The following UCHL3 variants were observed in gnomAD, a reference collection of about 807,000 sequenced individuals.
UCHL3 encodes the protein ubiquitin C-terminal hydrolase L3.
UCHL3 carries 22 observed loss-of-function variants against 35.8 expected under a neutral mutation model. The ratio of observed to expected loss-of-function variants is 0.61; its 90% CI spans 0.44 to 0.88. The LOEUF (loss-of-function observed/expected upper bound fraction) is 0.88, where lower values mean the gene tolerates loss of function less well. UCHL3 is among the 40% of genes least tolerant of loss of function. The pLI is 0.00. For synonymous variants in UCHL3, 90 were observed against 92.8 expected (o/e 0.97, Z 0.17); for missense variants, 229 against 276.9 (o/e 0.83, Z 1.23).
At chr13:75,602,757 A>G (rs2032810193) in intron 7 of UCHL3, among the ~76,000 whole-genome samples, 1 of 152,200 alleles carries the variant, frequency 6.6e-6, no homozygotes, top group Non-Finnish European at 1.5e-5. Flanking sequence ...AGGAGGCATT[A>G]AAAATACACT....
At chr13:75,555,386 C>T (rs569632952) in intron 2 of UCHL3, among the ~76,000 whole-genome samples, 1 of 152,196 alleles carries the variant, frequency 6.6e-6, no homozygotes, top group African/African-American at 2.4e-5. Flanking sequence ...TGTATCTTAC[C>T]ACTAGAATAT....
At chr13:75,559,438 G>A (rs994902984) in intron 2 of UCHL3, among the ~76,000 whole-genome samples, 1 of 152,138 alleles carries the variant, frequency 6.6e-6, no homozygotes, top group Non-Finnish European at 1.5e-5. Context: ...AAATCACTAC[G>A]TTTCTTATTA....
At chr13:75,556,341 T>C (rs1398924478) in intron 2 of UCHL3, among the ~76,000 whole-genome samples, 1 of 152,242 alleles carries the variant, frequency 6.6e-6, no homozygotes, top group Non-Finnish European at 1.5e-5. Flanking sequence ...CATTTTCTCA[T>C]TTAACTAATA....
chr13:75,588,239 A>G (rs532980471), intron 6 of UCHL3, among the ~76,000 whole-genome samples: 2 of 152,178 alleles, frequency 1.3e-5, no homozygotes, highest in African/African-American at 4.8e-5. Flanking sequence ...CCAACTTTAT[A>G]TATTCTTTCA....
intron 5 of UCHL3, among the ~76,000 whole-genome samples, chr13:75,568,470 G>A (rs2031753763): frequency 6.6e-6 from 1 of 150,802 alleles, no homozygotes; most frequent in South Asian, 2.1e-4. Flanking sequence ...TATTTTTTAG[G>A]GAGTGTATAT....
chr13:75,602,201 C>T (rs549280418), intron 7 of UCHL3, among the ~76,000 whole-genome samples: 15 of 152,194 alleles, frequency 9.9e-5, no homozygotes, highest in Non-Finnish European at 1.8e-4. Flanking sequence ...CCATCATTCA[C>T]GTCGTTGGCC....
chr13:75,562,700 A>T (rs2031556216), intron 3 of UCHL3, among the ~76,000 whole-genome samples: 1 of 152,262 alleles, frequency 6.6e-6, no homozygotes, highest in East Asian at 1.9e-4. Flanking sequence ...CATCAGCATT[A>T]AAAAGGCATA....
At chr13:75,557,070 C>T (rs2031316633) in intron 2 of UCHL3, among the ~76,000 whole-genome samples, 1 of 152,062 alleles carries the variant, frequency 6.6e-6, no homozygotes, top group African/African-American at 2.4e-5. Context: ...AAAAATTTAG[C>T]TGGCTGTGAT....
chr13:75,554,296 C>T (rs1034062514), intron 2 of UCHL3, among the ~76,000 whole-genome samples: 25 of 152,186 alleles, frequency 1.6e-4, no homozygotes, highest in African/African-American at 6.0e-4. Flanking sequence ...AATGCCTGGC[C>T]TCAAACAACT....
At chr13:75,605,697 T>C (rs755171976) in intron 8 of UCHL3, 32 bp from the exon 9 acceptor site, 38 of 1,600,738 alleles carry the variant, frequency 2.4e-5, no homozygotes, top group Non-Finnish European at 3.2e-5. Flanking sequence ...ACTTTTACAC[T>C]GAAAAATCAT....
chr13:75,557,399 A>AT (rs2031330066), intron 2 of UCHL3, among the ~76,000 whole-genome samples: 1 of 152,172 alleles, frequency 6.6e-6, no homozygotes, highest in Non-Finnish European at 1.5e-5. Context: ...TTGACTGAAG[A>AT]TTTTTTAACA....
chr13:75,593,756 G>A (rs930244009), intron 6 of UCHL3, among the ~76,000 whole-genome samples: 10 of 152,256 alleles, frequency 6.6e-5, no homozygotes, highest in African/African-American at 2.4e-4. Context: ...GTGAGATTAG[G>A]TGAAACACTA....
intron 6 of UCHL3, among the ~76,000 whole-genome samples, chr13:75,572,006 T>TTGTCTTGTCG (rs1236484698): frequency 6.6e-6 from 1 of 151,770 alleles, no homozygotes; most frequent in Non-Finnish European, 1.5e-5. Flanking sequence ...TTGTCTTGTC[T>TTGTCTTGTCG]TGTCTTGTCT....
intron 6 of UCHL3, among the ~76,000 whole-genome samples, chr13:75,592,466 A>ATATATATATG (rs2032535943): frequency 1.2e-5 from 1 of 82,880 alleles, no homozygotes; most frequent in Admixed American, 1.4e-4. Context: ...ATATATATAT[A>ATATATATATG]TGAAGGAAAA....
Position 75,549,808 on chromosome 13 carries a change from G to A in UCHL3, c.-13G>A. The A allele has an allele frequency of 6.5e-7, 1 of 1,547,250 alleles. No individual in the cohort carries two copies. Among genetic ancestry groups the A allele is most frequent in the Non-Finnish European group, 8.7e-7 (1 of 1,153,132 alleles). On this transcript the variant is annotated 5_prime_UTR_variant, in exon 1 of 9. Transcript: ENST00000377595. ...CGGCGGCTGTCAGAGCTGGAGGGCC[G>A]GGCACCGCGGCCATGGAGGGTCAAC...
At chr13:75,594,862 T>G in intron 6 of UCHL3, 53 bp from the exon 7 acceptor site, 1 of 1,328,824 alleles carries the variant, frequency 7.5e-7, no homozygotes, top group Non-Finnish European at 1.1e-6. Context: ...TATACATGAC[T>G]GATTTGTTTG....
intron 6 of UCHL3, among the ~76,000 whole-genome samples, chr13:75,575,746 CACTT>C (rs946084648): frequency 2.6e-5 from 4 of 151,944 alleles, no homozygotes; most frequent in African/African-American, 9.7e-5. Flanking sequence ...TTCAAACAAA[CACTT>C]TCTTTCTTTT....
chr13:75,549,707 GCTC>G, upstream of UCHL3: 1 of 1,264,728 alleles, frequency 7.9e-7, no homozygotes, highest in Non-Finnish European at 1.0e-6. Flanking sequence ...GTGTTTAGGC[GCTC>G]CTCCTCCGGG....
intron 6 of UCHL3, among the ~76,000 whole-genome samples, chr13:75,593,505 A>G (rs1025799166): frequency 1.3e-5 from 2 of 152,164 alleles, no homozygotes; most frequent in African/African-American, 4.8e-5. Context: ...TTCTAACAAA[A>G]CTGTCTAACA....
Sources: allele counts gnomAD v4.1 joint callset (sites outside exome capture counted in the v4.1 genomes callset), GRCh38; gene constraint gnomAD v4.1.1; transcripts MANE v1.5; gene names NCBI Gene and HGNC (gene_info 2026-07-23, HGNC 2026-07-21).